PTPRT: variants seen among roughly 807,000 people sequenced by gnomAD.
The protein encoded by PTPRT is protein tyrosine phosphatase receptor type T, also known as receptor-type tyrosine-protein phosphatase T.
In PTPRT, 56 loss-of-function variants were observed where a neutral mutation model predicts 176.8. The observed-to-expected ratio is 0.32, with a 90% confidence interval of 0.26 to 0.40. The LOEUF (loss-of-function observed/expected upper bound fraction) is 0.40. PTPRT is among the 10% of genes least tolerant of loss of function. The pLI is 1.00. For missense variants in PTPRT, 1,540 were observed against 1,908.2 expected (o/e 0.81, Z 3.60); for synonymous variants, 783 against 739.0 (o/e 1.06, Z -0.96).
At chr20:42,444,137 G>A (rs938574705) in intron 9 of PTPRT, among the ~76,000 whole-genome samples, 2 of 152,002 alleles carry the variant, frequency 1.3e-5, no homozygotes, top group African/African-American at 4.8e-5. Flanking sequence ...TGTCCTCTGT[G>A]CTCAGGAGGC....
intron 7 of PTPRT, among the ~76,000 whole-genome samples, chr20:42,672,755 C>T (rs534251602): frequency 1.4e-4 from 22 of 152,246 alleles, no homozygotes; most frequent in Non-Finnish European, 2.8e-4. Context: ...GGAAGGATAG[C>T]CTTCCCTTAG....
At chr20:42,713,156 T>TACACACAC (rs11468862) in intron 6 of PTPRT, among the ~76,000 whole-genome samples, 18 of 148,078 alleles carry the variant, frequency 1.2e-4, no homozygotes, top group Non-Finnish European at 2.4e-4. Flanking sequence ...CACGCACACA[T>TACACACAC]ACACACACAC....
At chr20:42,381,113 C>T (rs1304921339) in intron 9 of PTPRT, among the ~76,000 whole-genome samples, 1 of 152,142 alleles carries the variant, frequency 6.6e-6, no homozygotes, top group Non-Finnish European at 1.5e-5. Context: ...GAGAAACTGC[C>T]CCCATGATCC....
intron 8 of PTPRT, among the ~76,000 whole-genome samples, chr20:42,451,288 C>T (rs760583236): frequency 2.6e-5 from 4 of 152,108 alleles, no homozygotes; most frequent in Non-Finnish European, 4.4e-5. Flanking sequence ...TTGTTTTACA[C>T]AACTGGGGGA....
intron 9 of PTPRT, among the ~76,000 whole-genome samples, chr20:42,408,698 T>C (rs1159410327): frequency 1.3e-5 from 2 of 152,012 alleles, no homozygotes; most frequent in Non-Finnish European, 2.9e-5. Context: ...CATCTTGCAA[T>C]ACAAAAATGA....
intron 1 of PTPRT, among the ~76,000 whole-genome samples, chr20:43,011,429 T>C (rs1320683470): frequency 1.3e-5 from 2 of 152,172 alleles, no homozygotes; most frequent in African/African-American, 4.8e-5. Context: ...CAGGAGTCTT[T>C]CCTGGCCAGA....
In PTPRT at chr20:42,303,980, C is replaced by G. The variant is rs371857092; in HGVS notation, c.2139+11743G>C. Among the ~76,000 whole-genome samples the G allele has an allele frequency of 3.9e-5, 6 of 152,160 alleles. No homozygotes were observed. In the East Asian group the frequency reaches 1.2e-3, roughly 29 times the overall value. ...TTGTACATATGGTTCATGTCAATCT[C>G]TTCAACTGTGTAGCCCAATAAATTG... On this transcript the variant is annotated intron_variant, in intron 12 of 30. Coordinates refer to ENST00000373187, the MANE Select transcript of PTPRT (RefSeq NM_007050.6).
chr20:43,141,060 T>C lies in PTPRT; in HGVS notation c.88+48586A>G, dbSNP rs527718017. 8.5e-5 allele frequency among the ~76,000 whole-genome samples: 13 copies of C among 152,332 alleles called. No homozygotes were observed. In the South Asian group the frequency reaches 2.7e-3, roughly 32 times the overall value. ...ACAAATGCCAGGCTGATAATCTCGATAATATTTCACAGTCCCTGATAAAGA... is the reference window on the plus strand; with the variant it reads ...ACAAATGCCAGGCTGATAATCTCGACAATATTTCACAGTCCCTGATAAAGA... On this transcript the variant is annotated intron_variant, in intron 1 of 30. Coordinates refer to ENST00000373187, the MANE Select transcript of PTPRT (RefSeq NM_007050.6).
chr20:42,327,177 AAG>A (rs2057896307), intron 11 of PTPRT, among the ~76,000 whole-genome samples: 1 of 151,982 alleles, frequency 6.6e-6, no homozygotes, highest in South Asian at 2.1e-4. Flanking sequence ...ATTAATGAAA[AAG>A]AAAATTTTAT....
At chr20:42,611,062 G>A (rs552239688) in intron 7 of PTPRT, among the ~76,000 whole-genome samples, 10 of 152,220 alleles carry the variant, frequency 6.6e-5, no homozygotes, top group South Asian at 4.2e-4. Context: ...TAATTTATCC[G>A]ATCATCAGCT....
At chr20:42,819,011 A>T (rs2077841844) in intron 2 of PTPRT, among the ~76,000 whole-genome samples, 1 of 152,198 alleles carries the variant, frequency 6.6e-6, no homozygotes, top group South Asian at 2.1e-4. Context: ...GCCCCAACCT[A>T]GCAAGGCAGG....
At chr20:42,184,566 T>TCTTCTTCTTCTTCTTCTTCTC (rs1990670656) in intron 16 of PTPRT, among the ~76,000 whole-genome samples, 1 of 133,700 alleles carries the variant, frequency 7.5e-6, no homozygotes, top group Non-Finnish European at 1.6e-5. Context: ...TTCTTATTCT[T>TCTTCTTCTTCTTCTTCTTCTC]CTTCTTCTTC....
chr20:42,263,604 C>T (rs895574178), intron 13 of PTPRT, among the ~76,000 whole-genome samples: 1 of 151,354 alleles, frequency 6.6e-6, no homozygotes, highest in Non-Finnish European at 1.5e-5. Context: ...TGGTCTAGAA[C>T]TCCTGACCTC....
At chr20:43,122,511 T>C (rs1600727693) in intron 1 of PTPRT, among the ~76,000 whole-genome samples, 2 of 152,152 alleles carry the variant, frequency 1.3e-5, no homozygotes. Context: ...GTGTTGGAGG[T>C]GGGTCCCAGT....
chr20:43,119,814 TTTCCTCCAAGCACCTG>T (rs1401710622), intron 1 of PTPRT, among the ~76,000 whole-genome samples: 1 of 151,990 alleles, frequency 6.6e-6, no homozygotes, highest in Non-Finnish European at 1.5e-5. Context: ...GAGTCAGGAG[TTTCCTCCAAGCACCTG>T]TTAAGTGGCA....
chr20:42,691,867 C>G (rs111919790), intron 6 of PTPRT, among the ~76,000 whole-genome samples: 33 of 152,260 alleles, frequency 2.2e-4, no homozygotes, highest in African/African-American at 7.5e-4. Context: ...GTCACTGCCT[C>G]TAGGTGCTTC....
chr20:42,351,608 G>T (rs1360774795), intron 10 of PTPRT, among the ~76,000 whole-genome samples: 2 of 152,150 alleles, frequency 1.3e-5, no homozygotes, highest in Non-Finnish European at 2.9e-5. Flanking sequence ...ATTCTGCATT[G>T]TTGCTGTCTA....
At chr20:42,607,735 C>T (rs75643234) in intron 7 of PTPRT, among the ~76,000 whole-genome samples, 8,801 of 152,120 alleles carry the variant, frequency 0.058, 846 homozygotes, top group African/African-American at 0.2. Flanking sequence ...TGGGCATGGG[C>T]GGATTGCATG....
intron 15 of PTPRT, among the ~76,000 whole-genome samples, chr20:42,212,419 A>C (rs1487659781): frequency 8.1e-6 from 1 of 123,796 alleles, no homozygotes; most frequent in Non-Finnish European, 1.5e-5. Context: ...TTTTTCTCAA[A>C]AAAAAAAAAA....
Sources: gnomAD v4.1 joint callset for allele counts (sites outside exome capture counted in the v4.1 genomes callset) on GRCh38, gnomAD v4.1.1 for gene constraint, MANE v1.5 for transcripts, NCBI Gene and HGNC (gene_info 2026-07-23, HGNC 2026-07-21) for gene names.